The following FBLN7 variants were observed in gnomAD, a reference collection of about 807,000 sequenced individuals.
FBLN7 encodes the protein fibulin-7.
In FBLN7, 31 loss-of-function variants were observed where a neutral mutation model predicts 44.0. The ratio of observed to expected loss-of-function variants is 0.70; its 90% CI spans 0.53 to 0.95. The LOEUF (loss-of-function observed/expected upper bound fraction) is 0.95. Ranked by LOEUF, FBLN7 falls within the 40% of genes least tolerant of loss-of-function variation. The probability of loss-of-function intolerance (pLI) is 0.00; values close to 1 mark genes in which losing one functional copy is unlikely to be tolerated. For synonymous variants in FBLN7, 262 were observed against 253.4 expected, an observed-to-expected ratio of 1.03 and a Z score of -0.32; for missense variants, 573 against 618.5, an observed-to-expected ratio of 0.93 and a Z score of 0.78.
intron 4 of FBLN7, chr2:112,177,001 TC>T (rs1301698680): frequency 6.6e-6 from 1 of 151,640 alleles, no homozygotes; most frequent in African/African-American, 2.4e-5. Context: ...AGTGGCACCA[TC>T]TCAGCTCACT....
intron 6 of FBLN7, among the ~76,000 whole-genome samples, chr2:112,184,466 C>T (rs1384023957): frequency 6.6e-6 from 1 of 152,024 alleles, no homozygotes; most frequent in African/African-American, 2.4e-5. Context: ...GAAGGCCCAC[C>T]TGGGGTTGCT....
chr2:112,190,120 C>T (rs1025169551), downstream of FBLN7: 2 of 152,132 alleles, frequency 1.3e-5, no homozygotes, highest in Non-Finnish European at 2.9e-5. Context: ...ATGAGTTTTT[C>T]TGAGTGCATC....
At chr2:112,228,125 G>T in the FBLN7 span, among the ~76,000 whole-genome samples, 15 of 152,166 alleles carry the variant, frequency 9.9e-5, no homozygotes, top group Admixed American at 8.5e-4. Context: ...ACTAAGTACA[G>T]AAATAAATCC....
chr2:112,160,789 C>G (rs1256305035), intron 2 of FBLN7, among the ~76,000 whole-genome samples: 8 of 142,376 alleles, frequency 5.6e-5, no homozygotes, highest in African/African-American at 1.4e-4. Context: ...CACGCACGCA[C>G]ACGCACACAC....
the FBLN7 span, among the ~76,000 whole-genome samples, chr2:112,233,041 G>A: frequency 6.6e-6 from 1 of 152,158 alleles, no homozygotes; most frequent in Non-Finnish European, 1.5e-5. Context: ...TACCACCCAG[G>A]TTGAGCAGAA....
chr2:112,159,669 T>G lies in FBLN7; in HGVS notation c.76-7T>G. 6.6e-7 allele frequency: 1 copy of G among 1,518,602 alleles called. No individual in the cohort carries two copies. Among genetic ancestry groups the G allele is most frequent in the Non-Finnish European group, 8.9e-7 (1 of 1,126,538 alleles). The allele number at this position is 1,518,602 out of a possible 1,614,324, so 94.1% of individuals were successfully genotyped here. ...TGGGTGGTGGCGGCGATGTCTTCTC[T>G]CCGCAGAACTGTCTCAGCAAACAGC... is the stretch of plus-strand genomic sequence containing the variant. On this transcript the variant is annotated splice_region_variant and splice_polypyrimidine_tract_variant and intron_variant, in intron 1 of 7. Coordinates refer to ENST00000331203, the MANE Select transcript of FBLN7 (RefSeq NM_153214.3).
the FBLN7 span, among the ~76,000 whole-genome samples, chr2:112,217,922 G>GTGTTTT: frequency 6.2e-4 from 95 of 152,144 alleles, no homozygotes; most frequent in East Asian, 6.6e-3. Context: ...CTGGTTTCTT[G>GTGTTTT]TGTTTTTGTT....
chr2:112,185,168 C>A (rs200923992), intron 6 of FBLN7, 33 bp from the exon 7 acceptor site: 11 of 1,594,772 alleles, frequency 6.9e-6, no homozygotes, highest in Non-Finnish European at 9.4e-6. Context: ...AAGGTCAGGG[C>A]GATTCTCACC....
chr2:112,212,176 T>C, the FBLN7 span: 2 of 152,258 alleles, frequency 1.3e-5, no homozygotes, highest in Non-Finnish European at 2.9e-5. Context: ...TGTCCTCACA[T>C]GGTGGAAAAG....
At chr2:112,192,471 G>T (rs1339718563), downstream of FBLN7, among the ~76,000 whole-genome samples, 2 of 152,164 alleles carry the variant, frequency 1.3e-5, no homozygotes, top group Non-Finnish European at 2.9e-5. Context: ...CTGCCACCAG[G>T]AAGAGACAAG....
intron 7 of FBLN7, among the ~76,000 whole-genome samples, chr2:112,185,971 C>T (rs1398551269): frequency 6.6e-6 from 1 of 151,846 alleles, no homozygotes; most frequent in Non-Finnish European, 1.5e-5. Flanking sequence ...TCACAAGAGC[C>T]CTAGCGTTGT....
the FBLN7 span, among the ~76,000 whole-genome samples, chr2:112,207,778 G>C: frequency 6.4e-4 from 97 of 152,282 alleles, no homozygotes; most frequent in South Asian, 5.2e-3. Flanking sequence ...TCTATCTTTT[G>C]AAGTTATCTT....
the FBLN7 span, among the ~76,000 whole-genome samples, chr2:112,237,537 A>G: frequency 2.0e-5 from 3 of 152,106 alleles, no homozygotes; most frequent in Non-Finnish European, 4.4e-5. Flanking sequence ...GATCCATTTT[A>G]AGTAAAGAAA....
chr2:112,142,868 CGTGA>C lies in FBLN7; in HGVS notation c.75+4143_75+4146del, dbSNP rs546344894. Among the ~76,000 whole-genome samples the C allele has an allele frequency of 1.9e-3, 285 of 151,796 alleles. 2 individuals are homozygous for C. The highest frequency in any genetic ancestry group is 6.1e-3 in the African/African-American group (251 of 41,350). ...CTGTGGTTGTGTGTGCATCTGTCTG[CGTGA>C]GTGATTGTATGTGTGATGGTAAGTG... On this transcript the variant is annotated intron_variant, in intron 1 of 7. Transcript: ENST00000331203.
intron 4 of FBLN7, among the ~76,000 whole-genome samples, chr2:112,179,686 C>T (rs945993416): frequency 6.6e-6 from 1 of 152,168 alleles, no homozygotes; most frequent in Non-Finnish European, 1.5e-5. Flanking sequence ...AGAAATAAGG[C>T]CACACATCTA....
At chr2:112,160,844 A>ACGCG (rs747212861) in intron 2 of FBLN7, among the ~76,000 whole-genome samples, 12 of 112,970 alleles carry the variant, frequency 1.1e-4, no homozygotes, top group Admixed American at 4.8e-4. Context: ...ACGCACGCAC[A>ACGCG]CGCGCACACA....
intron 1 of FBLN7, chr2:112,153,270 G>A (rs974275240): frequency 3.9e-5 from 6 of 152,154 alleles, no homozygotes; most frequent in African/African-American, 1.4e-4. Flanking sequence ...TAAGTTGCTC[G>A]GTCCTTTCAG....
the FBLN7 span, among the ~76,000 whole-genome samples, chr2:112,230,395 A>C: frequency 3.1e-4 from 47 of 152,330 alleles, no homozygotes; most frequent in Middle Eastern, 3.4e-3. Context: ...AAGTATGTAT[A>C]TGGATATTTA....
At chr2:112,160,794 ACACAC>A in intron 2 of FBLN7, among the ~76,000 whole-genome samples, 1 of 138,608 alleles carries the variant, frequency 7.2e-6, no homozygotes, top group African/African-American at 2.7e-5. Flanking sequence ...ACGCACACGC[ACACAC>A]GCACGCACAC....
Sources: gnomAD v4.1 joint callset for allele counts (sites outside exome capture counted in the v4.1 genomes callset) on GRCh38, gnomAD v4.1.1 for gene constraint, MANE v1.5 for transcripts, NCBI Gene and HGNC (gene_info 2026-07-23, HGNC 2026-07-21) for gene names.